Variants in XKR5 observed in about 807,000 individuals in gnomAD.
XKR5 encodes the protein XK-related protein 5.
Under a neutral mutation model 40.8 loss-of-function variants are expected in XKR5, and 46 were observed. That is an observed-to-expected ratio of 1.13 (90% CI 0.89 to 1.44). The LOEUF is 1.44. Ranked by LOEUF, XKR5 falls within the 40% of genes most tolerant of loss-of-function variation. XKR5 has a pLI of 0.00. For synonymous variants in XKR5, 466 were observed against 356.1 expected, an observed-to-expected ratio of 1.31 and a Z score of -3.48; for missense variants, 1,169 against 844.7, an observed-to-expected ratio of 1.38 and a Z score of -4.76.
intron 5 of XKR5, among the ~76,000 whole-genome samples, chr8:6,821,514 A>G (rs1804222766): frequency 1.3e-5 from 2 of 152,284 alleles, no homozygotes; most frequent in South Asian, 4.1e-4. Context: ...TTATTCATAA[A>G]CCCCTAATAA....
chr8:6,813,929 G>C (rs997967162), intron 6 of XKR5, among the ~76,000 whole-genome samples: 17 of 152,294 alleles, frequency 1.1e-4, no homozygotes, highest in African/African-American at 3.6e-4. Flanking sequence ...AGTAGATGAG[G>C]GGACATTTTC....
intron 6 of XKR5, 137 bp downstream of exon 6, chr8:6,815,670 C>A: frequency 1.6e-6 from 1 of 621,580 alleles, no homozygotes; most frequent in Non-Finnish European, 2.9e-6. Context: ...GCTCTGCCCC[C>A]CACATCGCAG....
rs568064999 is a variant in XKR5, at chr8:6,821,814, C to T, written c.807+55G>A. 1.3e-4 allele frequency: 195 copies of T among 1,536,586 alleles called. 1 individual carries two copies. The African/African-American group carries it at 2.5e-3, about 20-fold the overall frequency. On this transcript the variant is annotated intron_variant, in intron 5 of 6. Coordinates refer to ENST00000618742, the MANE Select transcript of XKR5 (RefSeq NM_207411.5). ...CACACCCCCCACACACACCCACACA[C>T]ACCCCACTTGCTGTATACACTGTAA...
chr8:6,815,756 A>AT, intron 6 of XKR5, 51 bp downstream of exon 6: 1 of 1,371,016 alleles, frequency 7.3e-7, no homozygotes. Flanking sequence ...TGTAAAAAAA[A>AT]AAAATACGTT....
intron 2 of XKR5, among the ~76,000 whole-genome samples, chr8:6,830,171 T>C (rs1359125587): frequency 1.3e-5 from 2 of 152,228 alleles, no homozygotes; most frequent in African/African-American, 4.8e-5. Flanking sequence ...ACTTTGTGTT[T>C]TACTGGATTC....
At chr8:6,812,661 C>T (rs1007377729) in intron 6 of XKR5, among the ~76,000 whole-genome samples, 2 of 152,076 alleles carry the variant, frequency 1.3e-5, no homozygotes, top group African/African-American at 4.8e-5. Context: ...TGTGTGTGTG[C>T]GTGTGTACAC....
At position 6,822,590 on chromosome 8, in the gene XKR5, G is replaced by C. The variant is rs115235668; in HGVS notation, c.638-552C>G. On this transcript the variant is annotated intron_variant, in intron 4 of 6. Coordinates refer to ENST00000618742, the MANE Select transcript of XKR5 (RefSeq NM_207411.5). ...AAAATTATCTTTTTGGCCAATAACT[G>C]TATTCAATGTTTGCTCTAGGCCCAA... Among the ~76,000 whole-genome samples, 803 of 152,206 alleles carry C rather than the reference G, an allele frequency of 5.3e-3. 4 individuals carry two copies. The highest frequency in any genetic ancestry group is 0.019 in the African/African-American group (774 of 41,520).
chr8:6,833,828 C>G (rs1000201861), intron 1 of XKR5, among the ~76,000 whole-genome samples: 4 of 152,238 alleles, frequency 2.6e-5, no homozygotes, highest in African/African-American at 7.2e-5. Context: ...CAGGCATTCA[C>G]TAAATGACAT....
Position 6,822,013 on chromosome 8 carries a change from G to C in XKR5, c.663C>G (p.Phe221Leu), listed in dbSNP as rs748627660. ...VAGAHWLVMTFWLVAQQSDII... is the reference protein window; with the variant it reads ...VAGAHWLVMTLWLVAQQSDII... ...TGTCACTCTGCTGGGCGACAAGCCA[G>C]AATGTCATCACCAGCCAGTGGGCAC... is the stretch of plus-strand genomic sequence containing the variant. Residue 221 changes from phenylalanine to leucine, a missense_variant, in exon 5 of 7, where the codon TTC becomes TTG. Transcript: ENST00000618742. 1.6e-5 allele frequency: 26 copies of C among 1,606,058 alleles called. No individual in the cohort carries two copies. Among genetic ancestry groups the C allele is most frequent in the Non-Finnish European group, 2.0e-5 (23 of 1,176,584 alleles).
intron 4 of XKR5, 151 bp downstream of exon 4, chr8:6,823,370 C>T: frequency 1.3e-6 from 1 of 778,760 alleles, no homozygotes; most frequent in South Asian, 1.7e-5. Flanking sequence ...ATTGCCATCT[C>T]TGAGGCCACC....
Position 6,811,544 on chromosome 8 carries a change from A to G in XKR5, c.1715T>C (p.Leu572Pro). 1 of 1,535,404 alleles carries G rather than the reference A, an allele frequency of 6.5e-7. No homozygotes were observed. The highest frequency in any genetic ancestry group is 8.7e-7 in the Non-Finnish European group (1 of 1,145,824). Residue 572 changes from leucine (L) to proline (P), a missense_variant, in exon 7 of 7, where the codon CTG (leucine) becomes CCG (proline). Coordinates refer to ENST00000618742, the MANE Select transcript of XKR5 (RefSeq NM_207411.5). Reference protein sequence around the residue: ...TLQTAHSGRRLGKSSPAQPAS... With the variant: ...TLQTAHSGRRPGKSSPAQPAS... ...AGGCTGGGCAGGGCTGCTCTTTCCC[A>G]GCCTCCTTCCAGAGTGGGCCGTTTG...
intron 4 of XKR5, among the ~76,000 whole-genome samples, chr8:6,823,291 C>A (rs1256289685): frequency 6.6e-6 from 1 of 152,192 alleles, no homozygotes; most frequent in African/African-American, 2.4e-5. Flanking sequence ...TTTCCAGTTC[C>A]TTGCCATTGC....
rs1803574206 is a variant in XKR5 at position 6,809,224 on chromosome 8, C to T, written c.*1974G>A. ...TGCTCTCACCTGGCTGGGCGAGAGA[C>T]TGCATGGAGGAAGGACTGAGATGCT... On this transcript the variant is annotated 3_prime_UTR_variant, in exon 7 of 7. Transcript: ENST00000618742. The T allele has an allele frequency of 6.6e-6, 1 of 152,186 alleles. No individual in the cohort carries two copies. Among genetic ancestry groups the T allele is most frequent in the Non-Finnish European group, 1.5e-5 (1 of 68,086 alleles). The allele number at this position is 152,186 out of a possible 1,614,324, so 9.4% of individuals were successfully genotyped here. A position where few individuals can be genotyped will look rare whatever the true frequency, so the allele number is the denominator to read the frequency against.
At position 6,811,962 on chromosome 8, in the gene XKR5, G is replaced by T; in HGVS notation, c.1297C>A (p.Pro433Thr). ...AFGDNSPAYC[P>T]PAWGLSQQDY... ...TGTTGACTCAACCCCCATGCAGGTG[G>T]ACAATAGGCAGGACTGTTATCTCCA... is the stretch of plus-strand genomic sequence containing the variant. Residue 433 changes from proline to threonine, a missense_variant, in exon 7 of 7, where the codon CCA becomes ACA. By Grantham distance (38) the Pro-to-Thr change is conservative. Transcript: ENST00000618742. The T allele has an allele frequency of 6.5e-7, 1 of 1,537,344 alleles. No individual in the cohort carries two copies. The highest frequency in any genetic ancestry group is 1.2e-5 in the South Asian group (1 of 84,066).
At chr8:6,829,983 G>A (rs1315581072) in intron 2 of XKR5, among the ~76,000 whole-genome samples, 2 of 151,726 alleles carry the variant, frequency 1.3e-5, no homozygotes, top group Non-Finnish European at 1.5e-5. Flanking sequence ...GACTACAGGC[G>A]CCCGCCACCA....
chr8:6,829,874 G>C (rs1467227047), intron 2 of XKR5, among the ~76,000 whole-genome samples: 1 of 109,392 alleles, frequency 9.1e-6, no homozygotes, highest in African/African-American at 3.6e-5. Context: ...GTCTCGCTCT[G>C]TCACCCAAGC....
Position 6,823,747 on chromosome 8 carries a change from A to G in XKR5, c.428-17T>C. 6.5e-7 allele frequency: 1 copy of G among 1,548,284 alleles called. No individual in the cohort carries two copies. The highest frequency in any genetic ancestry group is 1.2e-5 in the South Asian group (1 of 84,228). ...TGCTCACCCCTGAAAGGGAAGCAGA[A>G]AGATGTGGTATGCTCTGAAGATTCC... is the stretch of plus-strand genomic sequence containing the variant. On this transcript the variant is annotated splice_polypyrimidine_tract_variant and intron_variant, in intron 3 of 6. Coordinates refer to ENST00000618742, the MANE Select transcript of XKR5 (RefSeq NM_207411.5).
intron 6 of XKR5, among the ~76,000 whole-genome samples, chr8:6,814,612 A>C (rs1587158088): frequency 6.6e-6 from 1 of 152,122 alleles, no homozygotes; most frequent in Non-Finnish European, 1.5e-5. Context: ...CCACTGGGGG[A>C]AAACCTGGTA....
intron 5 of XKR5, among the ~76,000 whole-genome samples, chr8:6,821,322 A>G (rs939793084): frequency 4.6e-5 from 7 of 152,184 alleles, no homozygotes; most frequent in African/African-American, 1.4e-4. Flanking sequence ...AGTCCCAGAC[A>G]TTTTTTTCTC....
Sources: gnomAD v4.1 joint callset for allele counts (sites outside exome capture counted in the v4.1 genomes callset) on GRCh38, gnomAD v4.1.1 for gene constraint, MANE v1.5 for transcripts, NCBI Gene and HGNC (gene_info 2026-07-23, HGNC 2026-07-21) for gene names.